The following PTPRD variants were observed in gnomAD, a reference collection of about 807,000 sequenced individuals.
PTPRD encodes the protein protein tyrosine phosphatase receptor type D.
A neutral mutation model predicts 214.5 loss-of-function variants in PTPRD; 34 were observed. The observed-to-expected ratio is 0.16, with a 90% confidence interval of 0.12 to 0.21. PTPRD has a LOEUF of 0.21. Among genes scored for constraint, PTPRD ranks in the 10% least tolerant of loss-of-function variants. PTPRD has a pLI of 1.00. For synonymous variants in PTPRD, 1,128 were observed against 845.7 expected, an observed-to-expected ratio of 1.33 and a Z score of -5.79; for missense variants, 2,545 against 2,398.7, an observed-to-expected ratio of 1.06 and a Z score of -1.27.
chr9:8,791,523 CTTTTTTTTT>C (rs34501354), intron 11 of PTPRD, among the ~76,000 whole-genome samples: 1 of 86,700 alleles, frequency 1.2e-5, no homozygotes, highest in African/African-American at 4.3e-5. Context: ...CATGCCCAGA[CTTTTTTTTT>C]TTTTTTTTTT....
intron 2 of PTPRD, among the ~76,000 whole-genome samples, chr9:10,410,361 A>C (rs941811506): frequency 1.3e-5 from 2 of 149,494 alleles, no homozygotes; most frequent in Non-Finnish European, 3.0e-5. Context: ...CTGCATCTCT[A>C]TCTTAAGTCT....
In PTPRD at chr9:10,611,754, C is replaced by T. The variant is rs915857003; in HGVS notation, c.-600+644G>A. 9.2e-5 allele frequency among the ~76,000 whole-genome samples: 14 copies of T among 152,306 alleles called. No individual in the cohort carries two copies. The Middle Eastern group carries it at 0.01, about 111-fold the overall frequency. ...CCTGCCCTCTCCAAAGTATTTTTCACATTCTCTCTCCAAATTAAGTTCATT... is the reference window on the plus strand; with the variant it reads ...CCTGCCCTCTCCAAAGTATTTTTCATATTCTCTCTCCAAATTAAGTTCATT... On this transcript the variant is annotated intron_variant, in intron 2 of 45. Transcript: ENST00000381196.
At chr9:9,778,130 T>G (rs543701746) in intron 5 of PTPRD, among the ~76,000 whole-genome samples, 1 of 152,242 alleles carries the variant, frequency 6.6e-6, no homozygotes, top group African/African-American at 2.4e-5. Context: ...GGCAGATGTT[T>G]GGAAACAAAA....
At chr9:10,207,546 A>G (rs1330497930) in intron 3 of PTPRD, among the ~76,000 whole-genome samples, 1 of 152,076 alleles carries the variant, frequency 6.6e-6, no homozygotes, top group African/African-American at 2.4e-5. Context: ...TAATAAAAAT[A>G]TTATTATGTA....
intron 23 of PTPRD, among the ~76,000 whole-genome samples, chr9:8,503,534 G>C (rs1217258231): frequency 6.6e-6 from 1 of 152,082 alleles, no homozygotes; most frequent in Non-Finnish European, 1.5e-5. Context: ...ACAAAATCCT[G>C]TATAATACTT....
At chr9:10,177,919 A>T (rs922664751) in intron 3 of PTPRD, among the ~76,000 whole-genome samples, 1 of 151,980 alleles carries the variant, frequency 6.6e-6, no homozygotes, top group Non-Finnish European at 1.5e-5. Flanking sequence ...AATATAAGGT[A>T]CCAGAAATAG....
At chr9:10,239,912 G>A (rs2154361903) in intron 3 of PTPRD, among the ~76,000 whole-genome samples, 1 of 151,802 alleles carries the variant, frequency 6.6e-6, no homozygotes, top group South Asian at 2.1e-4. Flanking sequence ...CCCAAAGCCA[G>A]CTGTAAAACC....
At chr9:10,552,831 G>C (rs1214251103) in intron 2 of PTPRD, among the ~76,000 whole-genome samples, 1 of 152,140 alleles carries the variant, frequency 6.6e-6, no homozygotes, top group Non-Finnish European at 1.5e-5. Flanking sequence ...ACAGGTTGAG[G>C]CATTCCTATC....
At chr9:9,469,231 C>T (rs2094429245) in intron 8 of PTPRD, among the ~76,000 whole-genome samples, 1 of 152,006 alleles carries the variant, frequency 6.6e-6, no homozygotes, top group African/African-American at 2.4e-5. Context: ...TTATTAAATT[C>T]ATGTGCTTTT....
chr9:10,572,633 C>T (rs17792913), intron 2 of PTPRD, among the ~76,000 whole-genome samples: 20,409 of 152,040 alleles, frequency 0.13, 1,622 homozygotes, highest in Non-Finnish European at 0.19. Context: ...GTTGTCCATG[C>T]CTGTGATGTG....
At chr9:10,465,506 T>C (rs1040474237) in intron 2 of PTPRD, among the ~76,000 whole-genome samples, 8 of 152,280 alleles carry the variant, frequency 5.3e-5, no homozygotes, top group Admixed American at 2.6e-4. Flanking sequence ...TTTCAGTCAA[T>C]GACAGACTGC....
At chr9:10,241,426 T>C (rs1233515410) in intron 3 of PTPRD, among the ~76,000 whole-genome samples, 1 of 151,944 alleles carries the variant, frequency 6.6e-6, no homozygotes, top group Non-Finnish European at 1.5e-5. Context: ...TTGTCTGTAA[T>C]AGCCAAGAAC....
chr9:8,566,100 A>ATATGTGTGTGTGTGTGTGTGTG, intron 14 of PTPRD, among the ~76,000 whole-genome samples: 1 of 137,922 alleles, frequency 7.3e-6, no homozygotes, highest in South Asian at 2.4e-4. Flanking sequence ...AATGCAAAAT[A>ATATGTGTGTGTGTGTGTGTGTG]TGTGTGTGTG....
chr9:8,990,369 C>T (rs911633780), intron 11 of PTPRD, among the ~76,000 whole-genome samples: 1 of 152,164 alleles, frequency 6.6e-6, no homozygotes, highest in African/African-American at 2.4e-5. Flanking sequence ...ATATGTGCAT[C>T]TGCTTGTACC....
At chr9:8,853,895 CA>C (rs1238781710) in intron 11 of PTPRD, among the ~76,000 whole-genome samples, 3 of 151,762 alleles carry the variant, frequency 2.0e-5, no homozygotes, top group East Asian at 1.9e-4. Flanking sequence ...GAAATAACAA[CA>C]AAAAAAGGTA....
chr9:8,353,700 G>A (rs1056371859), intron 39 of PTPRD, among the ~76,000 whole-genome samples: 1 of 151,588 alleles, frequency 6.6e-6, no homozygotes, highest in African/African-American at 2.4e-5. Context: ...CCCCAAAGTG[G>A]TGGGATTACA....
chr9:10,315,438 A>T (rs1456712495), intron 3 of PTPRD, among the ~76,000 whole-genome samples: 1 of 151,942 alleles, frequency 6.6e-6, no homozygotes, highest in Non-Finnish European at 1.5e-5. Flanking sequence ...GAATGTCTAT[A>T]TGAAACTATA....
At chr9:9,288,289 A>G (rs1313376466) in intron 9 of PTPRD, among the ~76,000 whole-genome samples, 5 of 151,872 alleles carry the variant, frequency 3.3e-5, no homozygotes, top group Admixed American at 6.6e-5. Context: ...TATTTTATCC[A>G]TATTATGCTA....
At position 8,474,391 on chromosome 9, in the gene PTPRD, A is replaced by G. The variant is rs77676178; in HGVS notation, c.3414-3306T>C. On this transcript the variant is annotated intron_variant, in intron 30 of 45. Transcript: ENST00000381196. Reference sequence around the variant, plus strand: ...CAACCTTCATAGGTCGGGCCCACGTACCACTGAAGCTCTCAGATTCTTCAA... The same window carrying G: ...CAACCTTCATAGGTCGGGCCCACGTGCCACTGAAGCTCTCAGATTCTTCAA... Among the ~76,000 whole-genome samples, 436 of 152,104 alleles carry G rather than the reference A, an allele frequency of 2.9e-3. 2 individuals carry two copies. The highest frequency in any genetic ancestry group is 0.01 in the African/African-American group (419 of 41,498).
Sources: allele counts gnomAD v4.1 joint callset (sites outside exome capture counted in the v4.1 genomes callset), GRCh38; gene constraint gnomAD v4.1.1; transcripts MANE v1.5; gene names NCBI Gene and HGNC (gene_info 2026-07-23, HGNC 2026-07-21).